Variants in CR1L observed in about 807,000 individuals in gnomAD.
The protein encoded by CR1L is complement C3b/C4b receptor 1 like, also known as complement component receptor 1-like protein.
A neutral mutation model predicts 62.3 loss-of-function variants in CR1L; 59 were observed. The observed-to-expected ratio is 0.95, with a 90% confidence interval of 0.77 to 1.18. CR1L has a LOEUF of 1.18. Among genes scored for constraint, CR1L ranks in the 50% most tolerant of loss-of-function variants. The pLI, the probability that CR1L is intolerant of heterozygous loss-of-function variation, is 0.00. For missense variants in CR1L, 700 were observed against 702.8 expected, an observed-to-expected ratio of 1.00 and a Z score of 0.04; for synonymous variants, 279 against 248.7, an observed-to-expected ratio of 1.12 and a Z score of -1.15.
chr1:207,660,390 G>T (rs1228799312), intron 1 of CR1L, among the ~76,000 whole-genome samples: 1 of 152,222 alleles, frequency 6.6e-6, no homozygotes. Flanking sequence ...CGCAAACAAG[G>T]TCTGGAGTGG....
chr1:207,723,639 T>A lies in CR1L; in HGVS notation c.1664T>A (p.Val555Asp), dbSNP rs1558028997. ...TTAGGTTCACATGATGCTCTTATAGTTGGTAAGTTTTATGAAGTGTTTGCT... is the reference window on the plus strand; with the variant it reads ...TTAGGTTCACATGATGCTCTTATAGATGGTAAGTTTTATGAAGTGTTTGCT... ...VGAGSHDALI[V>D]GKFYEVFAEE... The change falls in exon 12 of 12, where the codon GTT becomes GAT. Residue 555 changes from valine to aspartate, a missense_variant. Val to Asp is a radical substitution (Grantham distance 152). Transcript: ENST00000508064. 1.9e-6 allele frequency: 3 copies of A among 1,597,154 alleles called. No individual in the cohort carries two copies. The highest frequency in any genetic ancestry group is 2.3e-5 in the South Asian group (2 of 88,462).
intron 1 of CR1L, among the ~76,000 whole-genome samples, chr1:207,647,879 T>C (rs532754196): frequency 6.6e-6 from 1 of 152,240 alleles, no homozygotes; most frequent in East Asian, 1.9e-4. Context: ...TAGGGAGCAG[T>C]GGTGTTAAGA....
At chr1:207,684,386 C>T (rs941636386) in intron 4 of CR1L, among the ~76,000 whole-genome samples, 2 of 152,180 alleles carry the variant, frequency 1.3e-5, no homozygotes, top group African/African-American at 4.8e-5. Flanking sequence ...GCACTATAAA[C>T]CTCAGAAGTG....
At chr1:207,710,030 T>A (rs1664328484) in intron 10 of CR1L, among the ~76,000 whole-genome samples, 1 of 152,144 alleles carries the variant, frequency 6.6e-6, no homozygotes, top group African/African-American at 2.4e-5. Context: ...GCTATTAGCA[T>A]AATTTACAAT....
chr1:207,708,258 G>T lies in CR1L; in HGVS notation c.1409G>T (p.Cys470Phe), dbSNP rs1218131090. ...CATTGGAGCATGAAGCCACCAATTT[G>T]TCAACGTGAGTTGAAATCTCTTTCC... ...TAHWSMKPPI[C>F]QQIFCPNPPA... is the part of the protein sequence containing the mutation. Residue 470 changes from cysteine (C) to phenylalanine (F), a missense_variant, in exon 10 of 12, where the codon TGT becomes TTT. Physicochemically the swap from Cys to Phe is radical, Grantham distance 205 (BLOSUM62 -2). Transcript: ENST00000508064. 1 of 1,611,240 alleles carries T rather than the reference G, an allele frequency of 6.2e-7. No individual in the cohort carries two copies. The highest frequency in any genetic ancestry group is 8.5e-7 in the Non-Finnish European group (1 of 1,179,282).
intron 1 of CR1L, chr1:207,669,503 C>T: frequency 6.3e-7 from 1 of 1,582,386 alleles, no homozygotes; most frequent in Non-Finnish European, 8.6e-7. Context: ...CCCGGTCTCC[C>T]CTTCTGCTGC....
intron 1 of CR1L, among the ~76,000 whole-genome samples, chr1:207,645,912 A>C (rs549862841): frequency 6.6e-6 from 1 of 152,070 alleles, no homozygotes; most frequent in African/African-American, 2.4e-5. Flanking sequence ...CTGTGTGCGG[A>C]GTTCACTGTG....
At chr1:207,716,824 AG>A (rs1173346943) in intron 10 of CR1L, among the ~76,000 whole-genome samples, 2 of 152,216 alleles carry the variant, frequency 1.3e-5, no homozygotes, top group African/African-American at 4.8e-5. Flanking sequence ...AGAAGCATCA[AG>A]TGCTTTTAGG....
chr1:207,717,429 C>G, intron 10 of CR1L, 35 bp from the exon 11 acceptor site: 1 of 1,602,858 alleles, frequency 6.2e-7, no homozygotes, highest in Non-Finnish European at 8.5e-7. Context: ...AAGTGAAACT[C>G]TAATAGAACT....
Position 207,697,979 on chromosome 1 carries a change from C to T in CR1L, c.1142+106C>T, listed in dbSNP as rs552788494. ...TTAAAAAAAGACAGACAGACAGACA[C>T]ACACACACACACACACAATCAGAGA... On this transcript the variant is annotated intron_variant, in intron 7 of 11. Coordinates refer to ENST00000508064, the MANE Select transcript of CR1L (RefSeq NM_175710.2). 7.1e-6 allele frequency: 10 copies of T among 1,405,076 alleles called. No homozygotes were observed. In the South Asian group the frequency reaches 1.2e-4, roughly 16 times the overall value. The allele number at this position is 1,405,076 out of a possible 1,614,324, so 87.0% of individuals were successfully genotyped here.
chr1:207,653,489 A>G (rs1287168033), intron 1 of CR1L, among the ~76,000 whole-genome samples: 1 of 152,208 alleles, frequency 6.6e-6, no homozygotes, highest in African/African-American at 2.4e-5. Flanking sequence ...TAAATCTGCA[A>G]ACTCTTAGAG....
intron 3 of CR1L, among the ~76,000 whole-genome samples, chr1:207,680,649 T>A (rs1571516480): frequency 6.6e-6 from 1 of 152,196 alleles, no homozygotes; most frequent in African/African-American, 2.4e-5. Context: ...TTCAAACTTA[T>A]AGCTGGGAGA....
chr1:207,654,717 T>C (rs1208119275), intron 1 of CR1L, among the ~76,000 whole-genome samples: 1 of 152,220 alleles, frequency 6.6e-6, no homozygotes, highest in Admixed American at 6.5e-5. Flanking sequence ...CCACGAGCTA[T>C]GTACTGTTAT....
At chr1:207,717,327 T>A in intron 10 of CR1L, 137 bp from the exon 11 acceptor site, 1 of 1,031,330 alleles carries the variant, frequency 9.7e-7, no homozygotes, top group South Asian at 1.8e-5. Flanking sequence ...CCTTACAGAT[T>A]TAAATTCCAT....
At chr1:207,701,708 GC>G in intron 9 of CR1L, 90 bp downstream of exon 9, 1 of 1,538,024 alleles carries the variant, frequency 6.5e-7, no homozygotes, top group Non-Finnish European at 9.0e-7. Flanking sequence ...CTAGGCTGTT[GC>G]CACCTGCTCT....
At chr1:207,699,778 A>T (rs1664163235) in intron 8 of CR1L, among the ~76,000 whole-genome samples, 1 of 152,176 alleles carries the variant, frequency 6.6e-6, no homozygotes. Context: ...GCCTCTGTTC[A>T]TCTAGATACT....
intron 10 of CR1L, 34 bp from the exon 11 acceptor site, chr1:207,717,430 T>C (rs1654028232): frequency 6.2e-7 from 1 of 1,603,212 alleles, no homozygotes; most frequent in African/African-American, 1.3e-5. Flanking sequence ...AGTGAAACTC[T>C]AATAGAACTT....
At chr1:207,719,043 G>A (rs1654072547) in intron 11 of CR1L, among the ~76,000 whole-genome samples, 1 of 141,524 alleles carries the variant, frequency 7.1e-6, no homozygotes. Context: ...TCACTCATAG[G>A]TGGGAATTGA....
chr1:207,723,559 C>A, intron 11 of CR1L, 59 bp from the exon 12 acceptor site: 1 of 1,367,780 alleles, frequency 7.3e-7, no homozygotes, highest in South Asian at 1.3e-5. Context: ...GCTGAGAAGT[C>A]CTGTTCAATC....
Sources: gnomAD v4.1 joint callset for allele counts (sites outside exome capture counted in the v4.1 genomes callset) on GRCh38, gnomAD v4.1.1 for gene constraint, MANE v1.5 for transcripts, NCBI Gene and HGNC (gene_info 2026-07-23, HGNC 2026-07-21) for gene names.